The following SASH1 variants were observed in gnomAD, a reference collection of about 807,000 sequenced individuals.
The protein encoded by SASH1 is SAM and SH3 domain containing 1.
A neutral mutation model predicts 125.2 loss-of-function variants in SASH1; 44 were observed. That is an observed-to-expected ratio of 0.35 (90% CI 0.28 to 0.45). The LOEUF (loss-of-function observed/expected upper bound fraction) is 0.45. Ranked by LOEUF, SASH1 falls within the 20% of genes least tolerant of loss-of-function variation. SASH1 has a pLI of 1.00. For missense variants in SASH1, 1,426 were observed against 1,614.5 expected, an observed-to-expected ratio of 0.88 and a Z score of 2.00; for synonymous variants, 639 against 649.1, an observed-to-expected ratio of 0.98 and a Z score of 0.24.
chr6:148,305,684 A>G (rs993680823), intron 1 of SASH1, among the ~76,000 whole-genome samples: 10 of 152,026 alleles, frequency 6.6e-5, no homozygotes, highest in African/African-American at 1.2e-4. Flanking sequence ...TCTTTCAGTC[A>G]GGATTCAGCA....
intron 4 of SASH1, among the ~76,000 whole-genome samples, chr6:148,466,912 G>A (rs1450956159): frequency 6.6e-6 from 1 of 151,946 alleles, no homozygotes; most frequent in Non-Finnish European, 1.5e-5. Context: ...CCTTCCTGGT[G>A]GTGAACTTGT....
At position 148,544,609 on chromosome 6, in the gene SASH1, C is replaced by A. The variant is rs749575588; in HGVS notation, c.3139C>A (p.Gln1047Lys). 1.9e-6 allele frequency: 3 copies of A among 1,613,280 alleles called. No homozygotes were observed. Among genetic ancestry groups the A allele is most frequent in the Non-Finnish European group, 2.5e-6 (3 of 1,179,880 alleles). The change falls in exon 18 of 20, where the codon CAG becomes AAG. Residue 1047 changes from glutamine (Q) to lysine (K), a missense_variant. Around this residue, in one of 3 missense-constraint regions of SASH1, gnomAD observed 634 missense variants for 694.4 expected, o/e 0.91. Coordinates refer to ENST00000367467, the MANE Select transcript of SASH1 (RefSeq NM_015278.5). The surrounding 1 kb of genome is among the most constrained non-coding windows in gnomAD (Gnocchi z 6.4). ...ACTGGCTCCCAGGCCTCTCTCAGGGCAGGCGCCTGGCAGCCCACCAAGCAC... is the reference window on the plus strand; with the variant it reads ...ACTGGCTCCCAGGCCTCTCTCAGGGAAGGCGCCTGGCAGCCCACCAAGCAC... The part of the protein sequence containing the change: ...PALAPRPLSG[Q>K]APGSPPSTRP...
At chr6:148,501,811 T>A (rs1779571276) in intron 8 of SASH1, among the ~76,000 whole-genome samples, 1 of 152,172 alleles carries the variant, frequency 6.6e-6, no homozygotes, top group African/African-American at 2.4e-5. Context: ...GAGGATTCAC[T>A]TTTGTTTTAT....
At chr6:148,247,077 T>C in the SASH1 span, among the ~76,000 whole-genome samples, 1 of 152,190 alleles carries the variant, frequency 6.6e-6, no homozygotes, top group Admixed American at 6.5e-5. Context: ...CAATGTTTAT[T>C]TTAGTCAATT....
intron 8 of SASH1, among the ~76,000 whole-genome samples, chr6:148,498,330 G>A (rs60087425): frequency 6.6e-6 from 1 of 151,852 alleles, no homozygotes; most frequent in Admixed American, 6.6e-5. Context: ...AGGATTGCCT[G>A]AACGAGGCTG....
chr6:148,219,131 G>A, the SASH1 span, among the ~76,000 whole-genome samples: 1 of 152,100 alleles, frequency 6.6e-6, no homozygotes, highest in Non-Finnish European at 1.5e-5. Flanking sequence ...AAACAGAAGA[G>A]CCTTCCTAGG....
chr6:148,529,241 A>C lies in SASH1; in HGVS notation c.1428+1645A>C, dbSNP rs1300348873. Among the ~76,000 whole-genome samples the C allele has an allele frequency of 6.6e-6, 1 of 152,164 alleles. No individual in the cohort carries two copies. The highest frequency in any genetic ancestry group is 2.4e-5 in the African/African-American group (1 of 41,428). The stretch of plus-strand genomic sequence containing the variant: ...TGGAGAATGCTGATCTAGAGGATAG[A>C]GGCCAGGGACGCTGCCAAACATCTT... On this transcript the variant is annotated intron_variant, in intron 12 of 19. Coordinates refer to ENST00000367467, the MANE Select transcript of SASH1 (RefSeq NM_015278.5). The surrounding 1 kb of genome is among the most constrained non-coding windows in gnomAD (Gnocchi z 4.2).
At chr6:148,526,046 CTTTTTTTTTT>C (rs34023266) in intron 11 of SASH1, among the ~76,000 whole-genome samples, 3,025 of 54,232 alleles carry the variant, frequency 0.056, 204 homozygotes, top group African/African-American at 0.2. Flanking sequence ...GAAGGTGAGT[CTTTTTTTTTT>C]TTTTTTTTTT....
intron 2 of SASH1, among the ~76,000 whole-genome samples, chr6:148,411,052 G>A (rs71568231): frequency 0.049 from 7,484 of 151,686 alleles, 233 homozygotes; most frequent in Non-Finnish European, 0.073. Context: ...CTAGCTATGC[G>A]GGAGGCTGAG....
intron 1 of SASH1, among the ~76,000 whole-genome samples, chr6:148,336,928 CGGAAAACTAATTACATTTCGTAT>C (rs1423430896): frequency 2.6e-5 from 4 of 152,178 alleles, no homozygotes; most frequent in Non-Finnish European, 5.9e-5. Flanking sequence ...CCCTGCCCAG[CGGAAAACTAATTACATTTCGTAT>C]GTTGACATAA....
intron 1 of SASH1, among the ~76,000 whole-genome samples, chr6:148,324,290 A>G (rs149612235): frequency 5.6e-4 from 85 of 152,230 alleles, no homozygotes; most frequent in African/African-American, 1.9e-3. Flanking sequence ...TGCTCTCCTG[A>G]GTTCTAGATT....
chr6:148,448,646 C>A (rs1315822064), intron 4 of SASH1, among the ~76,000 whole-genome samples: 1 of 152,170 alleles, frequency 6.6e-6, no homozygotes, highest in Non-Finnish European at 1.5e-5. Flanking sequence ...AGCCTGTGAG[C>A]TCTCCCAAGG....
chr6:148,252,484 C>CT, the SASH1 span, among the ~76,000 whole-genome samples: 11,401 of 142,348 alleles, frequency 0.08, 1,007 homozygotes, highest in African/African-American at 0.22. Flanking sequence ...GGTTTTTTTT[C>CT]TTTTTTTTTT....
the SASH1 span, among the ~76,000 whole-genome samples, chr6:148,195,573 AT>A: frequency 6.6e-6 from 1 of 152,172 alleles, no homozygotes; most frequent in Non-Finnish European, 1.5e-5. Context: ...TTCTCCCCTC[AT>A]TTTGAAACTC....
Position 148,544,743 on chromosome 6 carries a change from G to A in SASH1, c.3273G>A (p.Val1091=), listed in dbSNP as rs1261000899. 6 of 1,607,564 alleles carry A rather than the reference G, an allele frequency of 3.7e-6. No homozygotes were observed. The Admixed American group carries it at 1.0e-4, about 27-fold the overall frequency. The part of the protein sequence containing the change: ...LTRKVSCARG[V]DLETLTENKL... ...GGAAGGTCTCCTGTGCCCGGGGAGT[G>A]GATCTAGAAACGCTCACTGAAAACA... The change falls in exon 18 of 20, where the codon GTG becomes GTA. Residue 1091 remains valine (V), a synonymous_variant. Transcript: ENST00000367467. The surrounding 1 kb of genome is among the most constrained non-coding windows in gnomAD (Gnocchi z 6.4).
intron 2 of SASH1, among the ~76,000 whole-genome samples, chr6:148,413,673 T>G (rs2114917410): frequency 6.6e-6 from 1 of 152,288 alleles, no homozygotes; most frequent in Non-Finnish European, 1.5e-5. Context: ...ATCGAGGCCG[T>G]TGATGTAGAA....
chr6:148,377,173 AAAAAAAAAAAC>A (rs1330181299), intron 1 of SASH1, among the ~76,000 whole-genome samples: 1,275 of 67,464 alleles, frequency 0.019, 20 homozygotes, highest in Middle Eastern at 0.06. Context: ...CCGTCTCAAA[AAAAAAAAAAAC>A]AAAAAAAAAA....
At chr6:148,372,706 C>T (rs1380137801) in intron 1 of SASH1, among the ~76,000 whole-genome samples, 5 of 83,724 alleles carry the variant, frequency 6.0e-5, no homozygotes, top group South Asian at 6.2e-4. Context: ...TCCATTTGTT[C>T]GTTCATTCAT....
intron 11 of SASH1, among the ~76,000 whole-genome samples, chr6:148,526,961 C>T (rs1781209243): frequency 6.6e-6 from 1 of 151,740 alleles, no homozygotes; most frequent in African/African-American, 2.4e-5. Context: ...CAAGCTCCAC[C>T]TCCCGGATTC....
Sources: allele counts gnomAD v4.1 joint callset (sites outside exome capture counted in the v4.1 genomes callset), GRCh38; gene constraint gnomAD v4.1.1; regional missense constraint gnomAD v4.1.1; non-coding constraint Gnocchi (gnomAD v3.1); transcripts MANE v1.5; gene names NCBI Gene and HGNC (gene_info 2026-07-23, HGNC 2026-07-21).